Variants in LMBRD1 observed in about 807,000 individuals in gnomAD.
LMBRD1 encodes LMBR1 domain containing 1, also known as lysosomal cobalamin transport escort protein LMBD1.
Under a neutral mutation model 74.8 loss-of-function variants are expected in LMBRD1, and 64 were observed. The observed-to-expected ratio is 0.86, with a 90% CI of 0.70 to 1.05. The LOEUF (loss-of-function observed/expected upper bound fraction) is 1.05, where lower values mean the gene tolerates loss of function less well. LMBRD1 is among the 50% of genes least tolerant of loss of function. The pLI, the probability that LMBRD1 is intolerant of heterozygous loss-of-function variation, is 0.00. For synonymous variants in LMBRD1, 204 were observed against 216.3 expected (o/e 0.94, Z 0.50); for missense variants, 652 against 645.9 (o/e 1.01, Z -0.10).
intron 9 of LMBRD1, among the ~76,000 whole-genome samples, chr6:69,703,939 G>A (rs71559565): frequency 0.05 from 7,543 of 152,046 alleles, 250 homozygotes; most frequent in Middle Eastern, 0.18. Context: ...TAGAGTCCAG[G>A]GAAGTTAATT....
intron 4 of LMBRD1, among the ~76,000 whole-genome samples, chr6:69,749,891 TACTC>T (rs1409821859): frequency 7.6e-6 from 1 of 131,554 alleles, no homozygotes; most frequent in Non-Finnish European, 1.5e-5. Context: ...CACATATACA[TACTC>T]ATATATACAT....
intron 3 of LMBRD1, among the ~76,000 whole-genome samples, chr6:69,767,889 T>C (rs1297664879): frequency 1.3e-5 from 2 of 151,946 alleles, no homozygotes; most frequent in Admixed American, 6.6e-5. Flanking sequence ...GCTCTGTTAA[T>C]AGGTGCATAC....
chr6:69,709,754 C>T (rs1027162812), intron 9 of LMBRD1, among the ~76,000 whole-genome samples: 16 of 152,050 alleles, frequency 1.1e-4, no homozygotes, highest in African/African-American at 3.9e-4. Flanking sequence ...TTTCTACATA[C>T]TAACAACAAA....
intron 6 of LMBRD1, among the ~76,000 whole-genome samples, chr6:69,738,930 C>T (rs1767035076): frequency 6.6e-6 from 1 of 152,064 alleles, no homozygotes; most frequent in African/African-American, 2.4e-5. Flanking sequence ...TCTTAAAACT[C>T]ATGTCTCAGT....
chr6:69,735,082 T>C (rs1251869587), intron 7 of LMBRD1, among the ~76,000 whole-genome samples: 1 of 152,246 alleles, frequency 6.6e-6, no homozygotes, highest in East Asian at 1.9e-4. Context: ...GTATACTTCA[T>C]GAATTTTTAT....
chr6:69,774,259 T>G (rs1404601107), intron 3 of LMBRD1, among the ~76,000 whole-genome samples: 1 of 152,200 alleles, frequency 6.6e-6, no homozygotes, highest in Non-Finnish European at 1.5e-5. Context: ...ACTTTGCTCC[T>G]CCTCGCCTTC....
At position 69,698,714 on chromosome 6, in the gene LMBRD1, G is replaced by C. The variant is rs143879151; in HGVS notation, c.1338+329C>G. Among the ~76,000 whole-genome samples the C allele has an allele frequency of 4.8e-3, 724 of 151,912 alleles. 8 individuals carry two copies. Among genetic ancestry groups the C allele is most frequent in the Middle Eastern group, 0.017 (5 of 294 alleles). ...TGCTGTGCTCACCAAAATGTTCTTTGGGAGCCATATTATTAAAATTCGTTA... is the reference window on the plus strand; with the variant it reads ...TGCTGTGCTCACCAAAATGTTCTTTCGGAGCCATATTATTAAAATTCGTTA... On this transcript the variant is annotated intron_variant, in intron 13 of 15. Coordinates refer to ENST00000649934, the MANE Select transcript of LMBRD1 (RefSeq NM_018368.4).
chr6:69,755,734 A>C (rs1347679206), intron 3 of LMBRD1, among the ~76,000 whole-genome samples: 1 of 152,218 alleles, frequency 6.6e-6, no homozygotes, highest in Non-Finnish European at 1.5e-5. Flanking sequence ...ACTAGAAAAA[A>C]AAGTGAATTA....
At chr6:69,699,741 T>C (rs1046217795) in intron 12 of LMBRD1, among the ~76,000 whole-genome samples, 1 of 151,834 alleles carries the variant, frequency 6.6e-6, no homozygotes, top group African/African-American at 2.4e-5. Flanking sequence ...TTCAATAGCA[T>C]AGCAAATGCT....
At chr6:69,791,463 T>G (rs7751578) in intron 1 of LMBRD1, among the ~76,000 whole-genome samples, 18,198 of 152,130 alleles carry the variant, frequency 0.12, 3,042 homozygotes, top group African/African-American at 0.37. Flanking sequence ...CCCCAATCAA[T>G]TCTATCAACG....
intron 6 of LMBRD1, among the ~76,000 whole-genome samples, chr6:69,738,646 G>A (rs2290710): frequency 0.36 from 54,723 of 151,030 alleles, 10,468 homozygotes; most frequent in East Asian, 0.54. Context: ...CTATGCTAAC[G>A]CATTGGATTT....
intron 6 of LMBRD1, among the ~76,000 whole-genome samples, chr6:69,739,221 A>G (rs1004619417): frequency 6.6e-6 from 1 of 152,200 alleles, no homozygotes; most frequent in African/African-American, 2.4e-5. Context: ...ATGGTAAAAT[A>G]GACATGCTGA....
At position 69,676,110 on chromosome 6, in the gene LMBRD1, A is replaced by G. The variant is rs565672653; in HGVS notation, c.*48T>C. On this transcript the variant is annotated 3_prime_UTR_variant, in exon 16 of 16. Transcript: ENST00000649934. ...TGTTAGTTTAATACTTTAAAAATGC[A>G]TAACAGATATTCAGTCAGCATTATA... The G allele has an allele frequency of 4.0e-5, 57 of 1,437,042 alleles. No homozygotes were observed. In the South Asian group the frequency reaches 4.0e-4, roughly 10 times the overall value. 89.0% of individuals were successfully genotyped at this position (1,437,042 alleles called of 1,614,324 possible). A position where few individuals can be genotyped will look rare whatever the true frequency, so the allele number is the denominator to read the frequency against.
intron 14 of LMBRD1, among the ~76,000 whole-genome samples, chr6:69,678,986 T>C (rs1482476692): frequency 6.6e-6 from 1 of 151,630 alleles, no homozygotes; most frequent in East Asian, 1.9e-4. Context: ...TACTTCAACA[T>C]TTACTTCTGA....
At chr6:69,701,365 G>A in intron 11 of LMBRD1, 78 bp downstream of exon 11, 1 of 801,820 alleles carries the variant, frequency 1.2e-6, no homozygotes, top group Admixed American at 1.9e-5. Flanking sequence ...ATGTGCAACA[G>A]GATGTCAGAA....
Position 69,692,731 on chromosome 6 carries a change from A to G in LMBRD1, c.1417+4832T>C, listed in dbSNP as rs933799319. ...TATACTGCCCCCCAGGGCAGAATAA[A>G]TCACCATCTCCTTTTGCTTTACCAC... On this transcript the variant is annotated intron_variant, in intron 14 of 15. Coordinates refer to ENST00000649934, the MANE Select transcript of LMBRD1 (RefSeq NM_018368.4). Among the ~76,000 whole-genome samples the G allele has an allele frequency of 3.2e-4, 48 of 152,150 alleles. 1 individual carries two copies. Among genetic ancestry groups the G allele is most frequent in the Admixed American group, 1.3e-4 (2 of 15,282 alleles).
chr6:69,761,793 T>C (rs1382251970), intron 3 of LMBRD1, among the ~76,000 whole-genome samples: 1 of 17,718 alleles, frequency 5.6e-5, no homozygotes, highest in Non-Finnish European at 9.4e-5. Context: ...AGTTCACAAA[T>C]AATCCCCAAT....
intron 8 of LMBRD1, among the ~76,000 whole-genome samples, chr6:69,714,694 T>C (rs1766454032): frequency 6.6e-6 from 1 of 152,128 alleles, no homozygotes; most frequent in African/African-American, 2.4e-5. Flanking sequence ...TCTTCCCATG[T>C]ATCCTAGTGC....
intron 7 of LMBRD1, among the ~76,000 whole-genome samples, chr6:69,719,660 C>A (rs1233876466): frequency 6.6e-6 from 1 of 152,102 alleles, no homozygotes; most frequent in African/African-American, 2.4e-5. Flanking sequence ...TACCCAATTT[C>A]ATATTCCAGT....
Sources: allele counts gnomAD v4.1 joint callset (sites outside exome capture counted in the v4.1 genomes callset), GRCh38; gene constraint gnomAD v4.1.1; transcripts MANE v1.5; gene names NCBI Gene and HGNC (gene_info 2026-07-23, HGNC 2026-07-21).